Variants in DOK6 observed in about 807,000 individuals in gnomAD.
DOK6 encodes the protein downstream of tyrosine kinase 6.
In DOK6, 22 loss-of-function variants were observed where a neutral mutation model predicts 44.0. The observed-to-expected ratio is 0.50, with a 90% CI of 0.36 to 0.71. The LOEUF (loss-of-function observed/expected upper bound fraction) is 0.71. Among genes scored for constraint, DOK6 ranks in the 30% least tolerant of loss-of-function variants. The pLI is 0.00. For missense variants in DOK6, 340 were observed against 416.4 expected (o/e 0.82, Z 1.60); for synonymous variants, 166 against 145.5 (o/e 1.14, Z -1.01).
intron 6 of DOK6, 103 bp from the exon 7 acceptor site, chr18:69,757,653 C>A: frequency 1.1e-6 from 1 of 896,720 alleles, no homozygotes; most frequent in Non-Finnish European, 1.8e-6. Flanking sequence ...GTATCTATAG[C>A]AGATTCTATC....
chr18:69,489,283 T>C (rs1025512846), intron 1 of DOK6, among the ~76,000 whole-genome samples: 5 of 152,296 alleles, frequency 3.3e-5, no homozygotes. Context: ...TCAGTACAAA[T>C]ACTAAAGGTT....
chr18:69,612,570 C>A (rs1163046214), intron 3 of DOK6, among the ~76,000 whole-genome samples: 1 of 152,224 alleles, frequency 6.6e-6, no homozygotes, highest in Non-Finnish European at 1.5e-5. Flanking sequence ...ACATTTCCTT[C>A]CATTTTCAGC....
At chr18:69,489,488 A>G (rs925665920) in intron 1 of DOK6, among the ~76,000 whole-genome samples, 3 of 152,134 alleles carry the variant, frequency 2.0e-5, no homozygotes, top group East Asian at 1.9e-4. Flanking sequence ...TGTGTACACC[A>G]TGGAAATTGA....
chr18:69,421,724 A>G (rs1425482282), intron 1 of DOK6, among the ~76,000 whole-genome samples: 2 of 152,202 alleles, frequency 1.3e-5, no homozygotes, highest in African/African-American at 4.8e-5. Context: ...TGATGTTTTA[A>G]TCCAGAGAAA....
At chr18:69,655,848 AT>A (rs1334570333) in intron 3 of DOK6, among the ~76,000 whole-genome samples, 3 of 141,484 alleles carry the variant, frequency 2.1e-5, no homozygotes, top group Non-Finnish European at 4.9e-5. Context: ...AAAATAAAAT[AT>A]GACATATGAT....
chr18:69,539,360 A>ACTT (rs1982206448), intron 1 of DOK6, among the ~76,000 whole-genome samples: 1 of 151,966 alleles, frequency 6.6e-6, no homozygotes, highest in Non-Finnish European at 1.5e-5. Flanking sequence ...TGTAGTGGAA[A>ACTT]CTTATTTTTC....
intron 4 of DOK6, 99 bp downstream of exon 4, chr18:69,677,952 T>G (rs1985962113): frequency 4.8e-6 from 7 of 1,462,568 alleles, no homozygotes; most frequent in Non-Finnish European, 6.4e-6. Flanking sequence ...CCAATCATAT[T>G]TTTTAAATCA....
At chr18:69,781,327 T>C (rs899221898) in intron 7 of DOK6, 3 of 152,166 alleles carry the variant, frequency 2.0e-5, no homozygotes, top group African/African-American at 7.2e-5. Flanking sequence ...AATGCACCCT[T>C]GGTTATGTAT....
chr18:69,536,567 C>T (rs1377200859), intron 1 of DOK6, among the ~76,000 whole-genome samples: 1 of 152,068 alleles, frequency 6.6e-6, no homozygotes, highest in Non-Finnish European at 1.5e-5. Context: ...TTCTGGTTGA[C>T]AAAATGTTTG....
At chr18:69,819,420 G>C (rs748804290) in intron 7 of DOK6, among the ~76,000 whole-genome samples, 32 of 152,074 alleles carry the variant, frequency 2.1e-4, no homozygotes, top group Non-Finnish European at 3.1e-4. Context: ...TATCTCTCCT[G>C]GGGGAACTCA....
At chr18:69,614,932 G>T (rs968188799) in intron 3 of DOK6, among the ~76,000 whole-genome samples, 11 of 151,932 alleles carry the variant, frequency 7.2e-5, no homozygotes, top group African/African-American at 1.9e-4. Flanking sequence ...GATTGGAGGG[G>T]CTCACTTTCT....
At chr18:69,642,127 C>T (rs1404046306) in intron 3 of DOK6, among the ~76,000 whole-genome samples, 1 of 152,170 alleles carries the variant, frequency 6.6e-6, no homozygotes, top group Admixed American at 6.5e-5. Flanking sequence ...GTCTACCTAA[C>T]TGTACTTTTT....
intron 6 of DOK6, among the ~76,000 whole-genome samples, chr18:69,741,038 G>A (rs915578966): frequency 6.6e-6 from 1 of 152,188 alleles, no homozygotes; most frequent in African/African-American, 2.4e-5. Context: ...TAATGGCTCA[G>A]AGATGAGATA....
At chr18:69,483,520 T>A (rs1980488944) in intron 1 of DOK6, 2 of 152,094 alleles carry the variant, frequency 1.3e-5, no homozygotes, top group South Asian at 4.1e-4. Flanking sequence ...GGAATGAGCA[T>A]CTATCTTTCC....
intron 5 of DOK6, among the ~76,000 whole-genome samples, chr18:69,719,167 C>G (rs1986949797): frequency 6.6e-6 from 1 of 152,162 alleles, no homozygotes; most frequent in Non-Finnish European, 1.5e-5. Flanking sequence ...GTTTCTCAAA[C>G]CTGCCTCTCC....
chr18:69,652,488 C>A (rs1461609557), intron 3 of DOK6, among the ~76,000 whole-genome samples: 2 of 152,158 alleles, frequency 1.3e-5, no homozygotes, highest in Non-Finnish European at 2.9e-5. Context: ...ATGACTTGGG[C>A]AATTCCAGCT....
chr18:69,525,033 A>G (rs1055728805), intron 1 of DOK6, among the ~76,000 whole-genome samples: 1 of 151,794 alleles, frequency 6.6e-6, no homozygotes, highest in Non-Finnish European at 1.5e-5. Flanking sequence ...ATATAAAAAT[A>G]TTTTCTGAAT....
chr18:69,461,626 C>G (rs981566767), intron 1 of DOK6, among the ~76,000 whole-genome samples: 4 of 152,172 alleles, frequency 2.6e-5, no homozygotes, highest in African/African-American at 9.7e-5. Context: ...ATTTATCTCA[C>G]CCCACTTTTA....
intron 1 of DOK6, among the ~76,000 whole-genome samples, chr18:69,448,903 T>A (rs1979373802): frequency 6.6e-6 from 1 of 152,230 alleles, no homozygotes; most frequent in South Asian, 2.1e-4. Context: ...ATTGCCACAT[T>A]TTTCAAAAGT....
Sources: allele counts gnomAD v4.1 joint callset (sites outside exome capture counted in the v4.1 genomes callset), GRCh38; gene constraint gnomAD v4.1.1; transcripts MANE v1.5; gene names NCBI Gene and HGNC (gene_info 2026-07-23, HGNC 2026-07-21).